The following TMED8 variants were observed in gnomAD, a reference collection of about 807,000 sequenced individuals.
TMED8 encodes the protein transmembrane p24 trafficking protein family member 8.
A neutral mutation model predicts 32.7 loss-of-function variants in TMED8; 15 were observed. The observed-to-expected ratio is 0.46, with a 90% CI of 0.31 to 0.71. TMED8 has a LOEUF of 0.71. Ranked by LOEUF, TMED8 falls within the 30% of genes least tolerant of loss-of-function variation. TMED8 has a pLI of 0.06. For missense variants in TMED8, 390 were observed against 423.9 expected, an observed-to-expected ratio of 0.92 and a Z score of 0.70; for synonymous variants, 147 against 161.4, an observed-to-expected ratio of 0.91 and a Z score of 0.68.
Position 77,339,605 on chromosome 14 carries a change from A to G in TMED8, c.*2166T>C, listed in dbSNP as rs1892844757. 1 of 152,248 alleles carries G rather than the reference A, an allele frequency of 6.6e-6. No homozygotes were observed. The highest frequency in any genetic ancestry group is 1.5e-5 in the Non-Finnish European group (1 of 68,044). 9.4% of individuals were successfully genotyped at this position (152,248 alleles called of 1,614,324 possible). On this transcript the variant is annotated 3_prime_UTR_variant, in exon 6 of 6. Transcript: ENST00000216468. ...AAGATTATATTCAGTTAGCTAAGGCATGATTCAACTTCAATGATGCAAGAG... is the reference window on the plus strand; with the variant it reads ...AAGATTATATTCAGTTAGCTAAGGCGTGATTCAACTTCAATGATGCAAGAG...
chr14:77,365,661 T>C (rs1045451779), intron 1 of TMED8, among the ~76,000 whole-genome samples: 16 of 152,236 alleles, frequency 1.1e-4, no homozygotes, highest in African/African-American at 3.4e-4. Context: ...AACTTGATAC[T>C]TAACCAAATT....
chr14:77,375,761 T>C (rs1594858139), intron 1 of TMED8, among the ~76,000 whole-genome samples: 2 of 152,338 alleles, frequency 1.3e-5, no homozygotes, highest in Admixed American at 6.5e-5. Flanking sequence ...AGAACACCTC[T>C]GGCGGCACAG....
At chr14:77,363,166 T>A (rs560908388) in intron 1 of TMED8, among the ~76,000 whole-genome samples, 1 of 152,310 alleles carries the variant, frequency 6.6e-6, no homozygotes, top group African/African-American at 2.4e-5. Flanking sequence ...CACATTCTTC[T>A]CCATTGCATA....
intron 1 of TMED8, among the ~76,000 whole-genome samples, chr14:77,370,742 AGTGTGTGT>A (rs33940271): frequency 1.8e-4 from 27 of 150,120 alleles, no homozygotes; most frequent in Admixed American, 9.3e-4. Context: ...TATAAAAAAA[AGTGTGTGT>A]GTGTGTGTGT....
intron 1 of TMED8, among the ~76,000 whole-genome samples, chr14:77,370,029 G>C (rs1011357988): frequency 3.3e-5 from 5 of 151,986 alleles, no homozygotes; most frequent in African/African-American, 4.8e-5. Context: ...AAAATTAGCC[G>C]GGCGTGGTGG....
At position 77,372,992 on chromosome 14, in the gene TMED8, G is replaced by A. The variant is rs1180763506; in HGVS notation, c.118+3944C>T. ...TTTTTTTTTTTTTTTTTGAGACAGC[G>A]TCTCCCTCTGTCGCCCAGGCTGGAG... is the stretch of plus-strand genomic sequence containing the variant. On this transcript the variant is annotated intron_variant, in intron 1 of 5. Coordinates refer to ENST00000216468, the MANE Select transcript of TMED8 (RefSeq NM_213601.3). 2.3e-5 allele frequency among the ~76,000 whole-genome samples: 2 copies of A among 87,452 alleles called. 1 individual carries two copies. Among genetic ancestry groups the A allele is most frequent in the East Asian group, 7.8e-4 (2 of 2,562 alleles). 57.4% of individuals were successfully genotyped at this position (87,452 alleles called of 152,430 possible).
At position 77,376,790 on chromosome 14, in the gene TMED8, G is replaced by A. The variant is rs980180371; in HGVS notation, c.118+146C>T. 4 of 390,598 alleles carry A rather than the reference G, an allele frequency of 1.0e-5. No homozygotes were observed. Among genetic ancestry groups the A allele is most frequent in the South Asian group, 1.3e-4 (1 of 7,934 alleles). 24.2% of individuals were successfully genotyped at this position (390,598 alleles called of 1,614,324 possible). On this transcript the variant is annotated intron_variant, in intron 1 of 5. Coordinates refer to ENST00000216468, the MANE Select transcript of TMED8 (RefSeq NM_213601.3). This position sits in a 1 kb window ranked among gnomAD's most constrained non-coding sequence, Gnocchi z 4.0. ...CAGGGCCCGGGTGGTGGCAGCGGCG[G>A]GGAAGGGGCCCCGCGCGCGAAGGGG...
chr14:77,374,088 G>A (rs549725946), intron 1 of TMED8, among the ~76,000 whole-genome samples: 3 of 152,240 alleles, frequency 2.0e-5, no homozygotes, highest in South Asian at 2.1e-4. Context: ...ATTCCAAATG[G>A]ACTAACAGAA....
chr14:77,372,954 T>A (rs10134485), intron 1 of TMED8, among the ~76,000 whole-genome samples: 271 of 25,522 alleles, frequency 0.011, no homozygotes, highest in East Asian at 0.016. Context: ...ATATATATAT[T>A]TTTTTTTTTT....
intron 5 of TMED8, among the ~76,000 whole-genome samples, 195 bp downstream of exon 5, chr14:77,342,983 G>C (rs1195187369): frequency 1.3e-5 from 2 of 152,124 alleles, no homozygotes; most frequent in Non-Finnish European, 2.9e-5. Context: ...AGGAAAAAGA[G>C]GCTTTCTTTC....
intron 1 of TMED8, among the ~76,000 whole-genome samples, chr14:77,367,896 G>A (rs555825421): frequency 1.3e-5 from 2 of 152,242 alleles, no homozygotes; most frequent in South Asian, 4.1e-4. Flanking sequence ...GTTTCACCAT[G>A]TTGGCCAGGT....
At chr14:77,366,949 A>G (rs1360794884) in intron 1 of TMED8, among the ~76,000 whole-genome samples, 1 of 152,162 alleles carries the variant, frequency 6.6e-6, no homozygotes, top group Non-Finnish European at 1.5e-5. Context: ...TGACTCTTTT[A>G]AAAACCTTTT....
intron 1 of TMED8, among the ~76,000 whole-genome samples, chr14:77,367,171 G>A (rs188416455): frequency 3.4e-5 from 5 of 145,696 alleles, no homozygotes; most frequent in African/African-American, 1.3e-4. Flanking sequence ...GAACCTGGGA[G>A]GCAGAGGTTG....
chr14:77,372,929 TATATATATATATATATATATA>T (rs1566696325), intron 1 of TMED8, among the ~76,000 whole-genome samples: 16 of 31,966 alleles, frequency 5.0e-4, no homozygotes, highest in East Asian at 2.0e-3. Flanking sequence ...TATATATATA[TATATATATATATATATATATA>T]TATTTTTTTT....
chr14:77,373,594 T>A (rs1893747554), intron 1 of TMED8, among the ~76,000 whole-genome samples: 2 of 152,140 alleles, frequency 1.3e-5, no homozygotes, highest in African/African-American at 4.8e-5. Context: ...AGAGAACACT[T>A]TTAAAAAACA....
intron 5 of TMED8, among the ~76,000 whole-genome samples, chr14:77,342,495 T>C (rs1376533187): frequency 1.3e-5 from 2 of 152,214 alleles, no homozygotes. Flanking sequence ...CCTGTAGGTT[T>C]CCCTGCCCGC....
chr14:77,371,375 T>C (rs1893676506), intron 1 of TMED8, among the ~76,000 whole-genome samples: 1 of 152,180 alleles, frequency 6.6e-6, no homozygotes, highest in Admixed American at 6.5e-5. Context: ...TTATTATGAT[T>C]TAGGTTGAGC....
chr14:77,372,909 TATA>T (rs1566696196), intron 1 of TMED8, among the ~76,000 whole-genome samples: 158 of 8,016 alleles, frequency 0.02, 5 homozygotes, highest in South Asian at 0.11. Context: ...ACAGATATTA[TATA>T]TATATATATA....
At chr14:77,360,284 T>A (rs1893403054) in intron 1 of TMED8, among the ~76,000 whole-genome samples, 1 of 152,196 alleles carries the variant, frequency 6.6e-6, no homozygotes, top group Non-Finnish European at 1.5e-5. Context: ...ATCTCTAGAC[T>A]TGTTCATCCT....
Sources: allele counts gnomAD v4.1 joint callset (sites outside exome capture counted in the v4.1 genomes callset), GRCh38; gene constraint gnomAD v4.1.1; non-coding constraint Gnocchi (gnomAD v3.1); transcripts MANE v1.5; gene names NCBI Gene and HGNC (gene_info 2026-07-23, HGNC 2026-07-21).